Variants in KRT86 observed in about 807,000 individuals in gnomAD.
The protein encoded by KRT86 is keratin 86.
In KRT86, 30 loss-of-function variants were observed where a neutral mutation model predicts 41.2. The ratio of observed to expected loss-of-function variants is 0.73; its 90% confidence interval spans 0.54 to 0.99. The LOEUF (loss-of-function observed/expected upper bound fraction) is 0.99, where lower values mean the gene tolerates loss of function less well. Among genes scored for constraint, KRT86 ranks in the 50% least tolerant of loss-of-function variants. The pLI is 0.00. For synonymous variants in KRT86, 238 were observed against 238.1 expected (o/e 1.00, Z 0.00); for missense variants, 561 against 571.4 (o/e 0.98, Z 0.19).
chr12:52,288,260 C>T (rs1938024855), intron 2 of KRT86: 6 of 1,602,030 alleles, frequency 3.7e-6, no homozygotes, highest in Middle Eastern at 2.1e-4. Flanking sequence ...CTCACACAGC[C>T]TCAGGGACTG....
chr12:52,307,473 T>C (rs1036213059), intron 9 of KRT86, among the ~76,000 whole-genome samples: 27 of 152,254 alleles, frequency 1.8e-4, no homozygotes, highest in African/African-American at 6.5e-4. Context: ...GAAGCTGATT[T>C]AACCAATCCT....
At chr12:52,288,005 G>A (rs1407705027) in intron 2 of KRT86, 7 of 1,614,070 alleles carry the variant, frequency 4.3e-6, no homozygotes, top group Admixed American at 1.7e-5. Flanking sequence ...ACCAGGACTC[G>A]GCCTCGGCCC....
chr12:52,305,084 G>C, intron 6 of KRT86, 57 bp downstream of exon 6: 1 of 1,610,326 alleles, frequency 6.2e-7, no homozygotes, highest in South Asian at 1.1e-5. Context: ...AGAGATGGGG[G>C]TGGGAGTGTT....
chr12:52,291,625 G>A lies in KRT86; in HGVS notation c.-4-10288G>A, dbSNP rs1938129279. The A allele has an allele frequency of 5.1e-6, 6 of 1,168,758 alleles. No homozygotes were observed. The Admixed American group carries it at 9.3e-5, about 18-fold the overall frequency. 72.4% of individuals were successfully genotyped at this position (1,168,758 alleles called of 1,614,324 possible). On this transcript the variant is annotated intron_variant, in intron 2 of 10. Coordinates refer to ENST00000423955, the MANE Select transcript of KRT86 (RefSeq NM_001320198.2). ...TGTTGGGGCAATTTGCGCTTTATGG[G>A]CTTGGGTGGTTAGCCGGGTCTAACG...
intron 2 of KRT86, chr12:52,277,398 C>T (rs1420172885): frequency 6.6e-6 from 1 of 152,232 alleles, no homozygotes; most frequent in Non-Finnish European, 1.5e-5. Flanking sequence ...CATGGACAAT[C>T]TCCAATCCCT....
chr12:52,291,181 G>A, intron 2 of KRT86: 1 of 1,278,492 alleles, frequency 7.8e-7, no homozygotes, highest in Non-Finnish European at 1.1e-6. Flanking sequence ...CGTTGGGGTC[G>A]ATCTCCAGGT....
At position 52,295,755 on chromosome 12, in the gene KRT86, AT is replaced by A. The variant is rs376297609; in HGVS notation, c.-4-6152del. Among the ~76,000 whole-genome samples the A allele has an allele frequency of 1.6e-4, 24 of 152,292 alleles. No homozygotes were observed. In the East Asian group the frequency reaches 3.7e-3, roughly 23 times the overall value. On this transcript the variant is annotated intron_variant, in intron 2 of 10. Coordinates refer to ENST00000423955, the MANE Select transcript of KRT86 (RefSeq NM_001320198.2). Reference sequence around the variant, plus strand: ...GTCACATAGTAGGTGCTCAATAAATATTTTTTGAATGAATGAAAAGAATACC... The same window carrying A: ...GTCACATAGTAGGTGCTCAATAAATATTTTTGAATGAATGAAAAGAATACC...
chr12:52,288,402 G>C lies in KRT86; in HGVS notation c.-5+12456G>C, dbSNP rs1239280161. 4 of 1,614,150 alleles carry C rather than the reference G, an allele frequency of 2.5e-6. No homozygotes were observed. The Admixed American group carries it at 6.7e-5, about 27-fold the overall frequency. On this transcript the variant is annotated intron_variant, in intron 2 of 10. Transcript: ENST00000423955. ...CTCAGGAAGTCGATCTCCTGGATCA[G>C]GGCCTCCACGTTGGCCTCCAGGTCT...
intron 2 of KRT86, among the ~76,000 whole-genome samples, chr12:52,279,356 C>T (rs1451441651): frequency 6.6e-6 from 1 of 152,208 alleles, no homozygotes; most frequent in African/African-American, 2.4e-5. Context: ...CCTCCCACAC[C>T]GGGACGTGAG....
At chr12:52,291,138 T>C (rs1488791531) in intron 2 of KRT86, 16 of 996,646 alleles carry the variant, frequency 1.6e-5, no homozygotes, top group Non-Finnish European at 2.2e-5. Flanking sequence ...AGGGACTTGA[T>C]CTGCTCCTTC....
At chr12:52,306,706 A>G in intron 9 of KRT86, 1 of 273,456 alleles carries the variant, frequency 3.7e-6, no homozygotes, top group East Asian at 8.6e-5. Flanking sequence ...CAGATAGATG[A>G]CACTATCAAC....
chr12:52,295,571 C>T (rs1938230601), intron 2 of KRT86, among the ~76,000 whole-genome samples: 1 of 152,166 alleles, frequency 6.6e-6, no homozygotes, highest in Non-Finnish European at 1.5e-5. Flanking sequence ...TCTCAGGGTT[C>T]AGGGCCAGAG....
At chr12:52,279,858 T>TA (rs1937732693) in intron 2 of KRT86, among the ~76,000 whole-genome samples, 2 of 152,116 alleles carry the variant, frequency 1.3e-5, no homozygotes, top group South Asian at 4.1e-4. Context: ...ACTCTACACA[T>TA]ACTTACTGAA....
At chr12:52,286,101 G>T in intron 2 of KRT86, 1 of 711,774 alleles carries the variant, frequency 1.4e-6, no homozygotes, top group Non-Finnish European at 2.4e-6. Context: ...CCAGAAGTGG[G>T]GGATCACACA....
intron 2 of KRT86, 192 bp from the exon 3 acceptor site, chr12:52,301,721 A>T: frequency 1.9e-6 from 2 of 1,029,872 alleles, no homozygotes; most frequent in Non-Finnish European, 2.9e-6. Flanking sequence ...TAAGTACATT[A>T]AGTGGGGAGC....
rs1938559569 is a variant in KRT86, at chr12:52,308,180, G to A, written c.1248-53G>A. ...AGATGTCCCCCTCCACTTCAGTCAC[G>A]GGGGCCCGGCGCCTTTTCCGCGGCA... is the stretch of plus-strand genomic sequence containing the variant. On this transcript the variant is annotated intron_variant, in intron 9 of 10. Coordinates refer to ENST00000423955, the MANE Select transcript of KRT86 (RefSeq NM_001320198.2). 11 of 1,612,550 alleles carry A rather than the reference G, an allele frequency of 6.8e-6. No homozygotes were observed. In the Admixed American group the frequency reaches 1.8e-4, roughly 27 times the overall value.
Position 52,287,020 on chromosome 12 carries a change from G to T in KRT86, c.-5+11074G>T, listed in dbSNP as rs1937965314. 3 of 1,609,328 alleles carry T rather than the reference G, an allele frequency of 1.9e-6. No homozygotes were observed. The Admixed American group carries it at 5.0e-5, about 27-fold the overall frequency. ...AATATTTTTTTCCCCCAGAGCCCTG[G>T]CCATTGCTCAGCCAAGGCCAAGGGT... On this transcript the variant is annotated intron_variant, in intron 2 of 10. Coordinates refer to ENST00000423955, the MANE Select transcript of KRT86 (RefSeq NM_001320198.2).
intron 9 of KRT86, 54 bp downstream of exon 9, chr12:52,306,334 T>A: frequency 6.2e-6 from 10 of 1,611,624 alleles, no homozygotes; most frequent in Non-Finnish European, 8.5e-6. Context: ...CTCAGTGTGC[T>A]CTGTCCTCAC....
chr12:52,287,836 G>C, intron 2 of KRT86: 2 of 1,603,736 alleles, frequency 1.2e-6, no homozygotes, highest in Non-Finnish European at 1.7e-6. Flanking sequence ...ACACATGGCA[G>C]TCCTGCCCTG....
Sources: allele counts gnomAD v4.1 joint callset (sites outside exome capture counted in the v4.1 genomes callset), GRCh38; gene constraint gnomAD v4.1.1; transcripts MANE v1.5; gene names NCBI Gene and HGNC (gene_info 2026-07-23, HGNC 2026-07-21).